CFAP46: variants seen among roughly 807,000 people sequenced by gnomAD.
The protein encoded by CFAP46 is cilia- and flagella-associated protein 46.
Under a neutral mutation model 325.7 loss-of-function variants are expected in CFAP46, and 245 were observed. The observed-to-expected ratio is 0.75, with a 90% CI of 0.68 to 0.84. The LOEUF is 0.84. CFAP46 is among the 40% of genes least tolerant of loss of function. CFAP46 has a pLI of 0.00. For synonymous variants in CFAP46, 1,523 were observed against 1,495.9 expected, an observed-to-expected ratio of 1.02 and a Z score of -0.42; for missense variants, 3,346 against 3,543.0, an observed-to-expected ratio of 0.94 and a Z score of 1.41.
At chr10:132,898,176 G>T (rs950892575) in intron 24 of CFAP46, among the ~76,000 whole-genome samples, 2 of 152,214 alleles carry the variant, frequency 1.3e-5, no homozygotes, top group Non-Finnish European at 1.5e-5. Context: ...CAACCCGAGA[G>T]TCTCAGCCTC....
Position 132,860,500 on chromosome 10 carries a change from G to C in CFAP46, c.5115C>G (p.Leu1705=). ...EATVCHIFQK[L]INAFKILKKE... is the part of the protein sequence containing the mutation. ...TCTTGAGGATCTTGAAGGCATTGAT[G>C]AGCTTCTGAAATATGTGACACACCT... Residue 1705 remains leucine, a synonymous_variant, in exon 37 of 58, where the codon CTC becomes CTG. Transcript: ENST00000368586. 1.3e-6 allele frequency: 2 copies of C among 1,551,040 alleles called. No homozygotes were observed. Among genetic ancestry groups the C allele is most frequent in the South Asian group, 1.2e-5 (1 of 84,050 alleles).
chr10:132,942,355 G>GACCGGGGCC, intron 1 of CFAP46, 81 bp downstream of exon 1: 1 of 837,560 alleles, frequency 1.2e-6, no homozygotes, highest in Non-Finnish European at 1.6e-6. Context: ...GGATGAGAGG[G>GACCGGGGCC]TCCGGGGCCT....
chr10:132,855,577 G>A (rs1156611128), intron 39 of CFAP46, among the ~76,000 whole-genome samples: 2 of 152,096 alleles, frequency 1.3e-5, no homozygotes, highest in East Asian at 1.9e-4. Flanking sequence ...TTTTCTGTTG[G>A]TCTCACCTGT....
At chr10:132,888,127 G>A (rs1452036239) in intron 25 of CFAP46, among the ~76,000 whole-genome samples, 10 of 150,454 alleles carry the variant, frequency 6.6e-5, no homozygotes, top group Admixed American at 4.6e-4. Context: ...GTGAAGCCTC[G>A]TCTGGAAAAC....
In CFAP46 at chr10:132,832,774, T is replaced by C. The variant is rs1044062902; in HGVS notation, c.7117+584A>G. 3.0e-5 allele frequency: 14 copies of C among 471,212 alleles called. No individual in the cohort carries two copies. Among genetic ancestry groups the C allele is most frequent in the African/African-American group, 2.6e-4 (13 of 50,052 alleles). 29.2% of individuals were successfully genotyped at this position (471,212 alleles called of 1,614,324 possible). A position where few individuals can be genotyped will look rare whatever the true frequency, so the allele number is the denominator to read the frequency against. On this transcript the variant is annotated intron_variant, in intron 50 of 57. Transcript: ENST00000368586. This position sits in a 1 kb window ranked among gnomAD's most constrained non-coding sequence, Gnocchi z 4.1. ...CGAATCCCAGCCGAGGTCAGGGCCT[T>C]CCGCGCGCTCCCTCGTGCTTTTCAC...
chr10:132,938,256 G>A (rs900701291), intron 5 of CFAP46, among the ~76,000 whole-genome samples: 6 of 152,228 alleles, frequency 3.9e-5, no homozygotes, highest in African/African-American at 1.2e-4. Flanking sequence ...CTGTTAAAAC[G>A]TCTACTGCGT....
intron 44 of CFAP46, among the ~76,000 whole-genome samples, chr10:132,844,053 G>A (rs866916166): frequency 2.6e-5 from 2 of 78,140 alleles, no homozygotes; most frequent in Admixed American, 1.3e-4. Flanking sequence ...CTGTGGGGCT[G>A]TGGTCTCGGT....
Position 132,924,811 on chromosome 10 carries a change from G to C in CFAP46, c.1141C>G (p.His381Asp), listed in dbSNP as rs1260308336. The change falls in exon 11 of 58, where the codon CAC becomes GAC. Residue 381 changes from histidine (H) to aspartate (D), a missense_variant. By Grantham distance (81) the His-to-Asp change is moderately conservative. Coordinates refer to ENST00000368586, the MANE Select transcript of CFAP46 (RefSeq NM_001200049.3). ...AVRLGDPRVI[H>D]VVCATQWNTC... ...TTCCACTGCGTGGCGCACACCACGT[G>C]GATGACCCGGGGGTCGCCCAGGCGC... The C allele has an allele frequency of 8.8e-6, 13 of 1,485,606 alleles. 1 individual carries two copies. The highest frequency in any genetic ancestry group is 1.2e-5 in the Non-Finnish European group (13 of 1,115,386). The allele number at this position is 1,485,606 out of a possible 1,614,324, so 92.0% of individuals were successfully genotyped here.
At chr10:132,888,063 TCTC>T (rs1435233167) in intron 25 of CFAP46, among the ~76,000 whole-genome samples, 5 of 141,442 alleles carry the variant, frequency 3.5e-5, no homozygotes, top group Non-Finnish European at 7.7e-5. Context: ...CTCCTCTCTC[TCTC>T]CTCTTCTCTC....
Position 132,926,679 on chromosome 10 carries a change from A to G in CFAP46, c.967-13T>C. Reference sequence around the variant, plus strand: ...GCTTCCCAGGATCCTGCAGATATAAACAGTTTTTGAAAAGATGGAGATCTG... The same window carrying G: ...GCTTCCCAGGATCCTGCAGATATAAGCAGTTTTTGAAAAGATGGAGATCTG... On this transcript the variant is annotated splice_polypyrimidine_tract_variant and intron_variant, in intron 9 of 57. Transcript: ENST00000368586. The G allele has an allele frequency of 2.6e-6, 4 of 1,526,906 alleles. No individual in the cohort carries two copies. The highest frequency in any genetic ancestry group is 3.5e-6 in the Non-Finnish European group (4 of 1,138,474). The allele number at this position is 1,526,906 out of a possible 1,614,324, so 94.6% of individuals were successfully genotyped here. A position where few individuals can be genotyped will look rare whatever the true frequency, so the allele number is the denominator to read the frequency against.
chr10:132,824,313 T>C (rs560386852), intron 50 of CFAP46, among the ~76,000 whole-genome samples: 271 of 137,784 alleles, frequency 2.0e-3, no homozygotes, highest in African/African-American at 7.2e-3. Flanking sequence ...GTGCTGTGTG[T>C]GCACTGATGT....
intron 35 of CFAP46, among the ~76,000 whole-genome samples, chr10:132,865,775 GA>G (rs1431314818): frequency 1.3e-5 from 2 of 152,244 alleles, no homozygotes; most frequent in Non-Finnish European, 1.5e-5. Flanking sequence ...AGAGAAACGA[GA>G]GGTTGCAGAG....
At chr10:132,849,923 T>C (rs1848507085) in intron 41 of CFAP46, among the ~76,000 whole-genome samples, 1 of 152,100 alleles carries the variant, frequency 6.6e-6, no homozygotes, top group Admixed American at 6.5e-5. Context: ...CCAGTTGCGT[T>C]GCTCCACGCT....
intron 19 of CFAP46, 56 bp from the exon 20 acceptor site, chr10:132,910,124 G>A: frequency 7.5e-7 from 1 of 1,334,744 alleles, no homozygotes; most frequent in Non-Finnish European, 9.6e-7. Flanking sequence ...GGGACCTTGA[G>A]CCAAGATCCG....
In CFAP46 at chr10:132,878,961, G is replaced by A. The variant is rs190056889; in HGVS notation, c.4005+465C>T. Among the ~76,000 whole-genome samples, 10 of 152,178 alleles carry A rather than the reference G, an allele frequency of 6.6e-5. No individual in the cohort carries two copies. In the East Asian group the frequency reaches 1.2e-3, roughly 18 times the overall value. ...GTGGTAGGAGGAGCAGGACAAGGAG[G>A]GGGGTGGGAGTGGGAAGAAGGCTCT... On this transcript the variant is annotated intron_variant, in intron 29 of 57. Coordinates refer to ENST00000368586, the MANE Select transcript of CFAP46 (RefSeq NM_001200049.3).
intron 44 of CFAP46, 128 bp from the exon 45 acceptor site, chr10:132,837,042 G>C: frequency 1.4e-6 from 1 of 707,662 alleles, no homozygotes; most frequent in South Asian, 1.7e-5. Flanking sequence ...TCCTGCCCGA[G>C]GCTGGGCCCT....
At position 132,822,390 on chromosome 10, in the gene CFAP46, T is replaced by A. The variant is rs200217744; in HGVS notation, c.7118-7476A>T. Among the ~76,000 whole-genome samples, 33 of 146,348 alleles carry A rather than the reference T, an allele frequency of 2.3e-4. No homozygotes were observed. The East Asian group carries it at 6.4e-3, about 29-fold the overall frequency. On this transcript the variant is annotated intron_variant, in intron 50 of 57. Transcript: ENST00000368586. ...GATGTGTGCTGTGTGTGTGCTGATGTGTGCTGATGTGTGCACTGTATGCTG... is the reference window on the plus strand; with the variant it reads ...GATGTGTGCTGTGTGTGTGCTGATGAGTGCTGATGTGTGCACTGTATGCTG...
At chr10:132,918,765 T>C (rs904955812) in intron 15 of CFAP46, among the ~76,000 whole-genome samples, 1 of 152,080 alleles carries the variant, frequency 6.6e-6, no homozygotes, top group Non-Finnish European at 1.5e-5. Flanking sequence ...GCCACATCCC[T>C]GCAGATGCTC....
At chr10:132,895,296 T>C (rs1018906845) in intron 24 of CFAP46, among the ~76,000 whole-genome samples, 1 of 152,068 alleles carries the variant, frequency 6.6e-6, no homozygotes, top group Non-Finnish European at 1.5e-5. Flanking sequence ...AAACTAGAAA[T>C]AGAAAATTCC....
Sources: gnomAD v4.1 joint callset for allele counts (sites outside exome capture counted in the v4.1 genomes callset) on GRCh38, gnomAD v4.1.1 for gene constraint, Gnocchi (gnomAD v3.1) non-coding constraint, MANE v1.5 for transcripts, NCBI Gene and HGNC (gene_info 2026-07-23, HGNC 2026-07-21) for gene names.